CHD6: variants seen among roughly 807,000 people sequenced by gnomAD.
The protein encoded by CHD6 is chromodomain helicase DNA binding protein 6.
In CHD6, 50 loss-of-function variants were observed where a neutral mutation model predicts 276.9. The observed-to-expected ratio is 0.18, with a 90% CI of 0.14 to 0.23. The LOEUF is 0.23. Ranked by LOEUF, CHD6 falls within the 10% of genes least tolerant of loss-of-function variation. The pLI is 1.00. For synonymous variants in CHD6, 1,173 were observed against 1,229.3 expected, an observed-to-expected ratio of 0.95 and a Z score of 0.96; for missense variants, 2,564 against 3,365.8, an observed-to-expected ratio of 0.76 and a Z score of 5.89.
chr20:41,505,319 A>AC (rs2043950793), intron 5 of CHD6, among the ~76,000 whole-genome samples: 1 of 152,108 alleles, frequency 6.6e-6, no homozygotes, highest in Non-Finnish European at 1.5e-5. Context: ...TTCCTGGGAT[A>AC]CCCCAGAATT....
At chr20:41,518,384 A>G (rs2044302402) in intron 3 of CHD6, among the ~76,000 whole-genome samples, 1 of 152,214 alleles carries the variant, frequency 6.6e-6, no homozygotes, top group African/African-American at 2.4e-5. Flanking sequence ...ACTAAGGAAT[A>G]GAACTTCCTC....
chr20:41,541,445 G>A (rs1450544324), intron 2 of CHD6, among the ~76,000 whole-genome samples: 2 of 152,166 alleles, frequency 1.3e-5, no homozygotes, highest in African/African-American at 4.8e-5. Context: ...TAATTCAGGT[G>A]CAGAAATCCA....
intron 1 of CHD6, among the ~76,000 whole-genome samples, chr20:41,555,554 A>G (rs866697345): frequency 0.026 from 3,846 of 147,474 alleles, 75 homozygotes; most frequent in Middle Eastern, 0.042. Context: ...TGCCAGGCGG[A>G]GGGTCTCCTC....
At position 41,447,953 on chromosome 20, in the gene CHD6, C is replaced by G. The variant is rs756669328; in HGVS notation, c.3702G>C (p.Arg1234=). Residue 1234 remains arginine (R), a synonymous_variant, in exon 24 of 37, where the codon CGG becomes CGC. Coordinates refer to ENST00000373233, the MANE Select transcript of CHD6 (RefSeq NM_032221.5). ...TTTCAGCTTTTAGGTAGTACAGCAT[C>G]CGGACTCGCAAAAGTACTCTATGAA... ...QHCNKVLLRV[R]MLYYLKAEIL... 6.2e-7 allele frequency: 1 copy of G among 1,610,234 alleles called. No homozygotes were observed. The highest frequency in any genetic ancestry group is 8.5e-7 in the Non-Finnish European group (1 of 1,177,790).
At chr20:41,550,389 T>C (rs2045126620) in intron 2 of CHD6, among the ~76,000 whole-genome samples, 1 of 152,242 alleles carries the variant, frequency 6.6e-6, no homozygotes, top group Admixed American at 6.5e-5. Context: ...GTCACTGCTC[T>C]TCTTGTTATC....
chr20:41,597,614 C>T (rs2045731279), intron 1 of CHD6, among the ~76,000 whole-genome samples: 1 of 152,032 alleles, frequency 6.6e-6, no homozygotes, highest in Admixed American at 6.6e-5. Flanking sequence ...AGGGGTTGAC[C>T]CACCATACCC....
chr20:41,596,849 T>TA (rs1373682332), intron 1 of CHD6, among the ~76,000 whole-genome samples: 4 of 152,014 alleles, frequency 2.6e-5, no homozygotes, highest in Non-Finnish European at 4.4e-5. Context: ...TTACAAAAAA[T>TA]AGAGAACTGG....
At chr20:41,435,513 A>G (rs971000275) in intron 27 of CHD6, among the ~76,000 whole-genome samples, 3 of 151,288 alleles carry the variant, frequency 2.0e-5, no homozygotes, top group Admixed American at 1.3e-4. Context: ...CTGAGCTGGG[A>G]GCATCACTTG....
At chr20:41,617,844 G>A (rs1189678946) in intron 1 of CHD6, among the ~76,000 whole-genome samples, 1 of 151,534 alleles carries the variant, frequency 6.6e-6, no homozygotes, top group Non-Finnish European at 1.5e-5. Context: ...ACAGACGCAG[G>A]ACGCGAATAG....
intron 31 of CHD6, among the ~76,000 whole-genome samples, chr20:41,417,659 C>T (rs2047044756): frequency 6.6e-6 from 1 of 152,140 alleles, no homozygotes; most frequent in African/African-American, 2.4e-5. Flanking sequence ...TGACTAACCA[C>T]AAAGAGGCTT....
intron 22 of CHD6, 94 bp from the exon 23 acceptor site, chr20:41,451,199 A>G (rs924389355): frequency 3.6e-5 from 41 of 1,131,452 alleles, no homozygotes; most frequent in Non-Finnish European, 4.7e-5. Flanking sequence ...GTTAGAACAG[A>G]GTTGGGCTGT....
In CHD6 at chr20:41,421,996, T is replaced by C. The variant is rs2047209808; in HGVS notation, c.4639A>G (p.Lys1547Glu). The change falls in exon 31 of 37, where the codon AAA becomes GAA. Residue 1547 changes from lysine to glutamate, a missense_variant. Lys to Glu is a moderately conservative substitution (Grantham distance 56, BLOSUM62 1). This residue lies in a region of CHD6 where 515 missense variants were observed against 739.5 expected (regional missense o/e 0.70). Transcript: ENST00000373233. The part of the protein sequence containing the change: ...RTLYRIELLR[K>E]VREQVLKCPQ... ...CACTTGAGCACTTGCTCTCGGACTT[T>C]CCGTAACAGTTCAATGCGGTACAGA... The C allele has an allele frequency of 6.2e-7, 1 of 1,614,112 alleles. No individual in the cohort carries two copies. Among genetic ancestry groups the C allele is most frequent in the Non-Finnish European group, 8.5e-7 (1 of 1,180,056 alleles).
Position 41,445,781 on chromosome 20 carries a change from G to A in CHD6, c.3774-13C>T. The A allele has an allele frequency of 6.4e-7, 1 of 1,563,448 alleles. No homozygotes were observed. The highest frequency in any genetic ancestry group is 8.8e-7 in the Non-Finnish European group (1 of 1,134,022). On this transcript the variant is annotated splice_polypyrimidine_tract_variant and intron_variant, in intron 24 of 36. Coordinates refer to ENST00000373233, the MANE Select transcript of CHD6 (RefSeq NM_032221.5). ...TACATCCAGCTCCCTAGGGAAGGAA[G>A]GGTGTAGACTCAAAACAACACAAAA...
intron 1 of CHD6, among the ~76,000 whole-genome samples, chr20:41,610,020 C>T (rs1412191367): frequency 6.6e-6 from 1 of 151,846 alleles, no homozygotes; most frequent in African/African-American, 2.4e-5. Flanking sequence ...CCATGCTTGG[C>T]TAATTTTTGT....
intron 17 of CHD6, among the ~76,000 whole-genome samples, chr20:41,466,601 T>G (rs1180359144): frequency 6.6e-6 from 1 of 152,226 alleles, no homozygotes; most frequent in Non-Finnish European, 1.5e-5. Flanking sequence ...ATATGGTTTA[T>G]GAGACCTTCA....
intron 17 of CHD6, among the ~76,000 whole-genome samples, chr20:41,469,648 C>T (rs565519861): frequency 1.4e-4 from 22 of 152,312 alleles, no homozygotes; most frequent in African/African-American, 4.8e-4. Flanking sequence ...TAAATTAGAG[C>T]CTCTGTCTTC....
chr20:41,613,376 G>C (rs1160418474), intron 1 of CHD6, among the ~76,000 whole-genome samples: 5 of 152,222 alleles, frequency 3.3e-5, no homozygotes, highest in African/African-American at 9.6e-5. Flanking sequence ...CTCCCCTCTA[G>C]TCCCATCTGC....
intron 17 of CHD6, among the ~76,000 whole-genome samples, chr20:41,467,618 CA>C (rs1283962746): frequency 1.3e-5 from 2 of 149,702 alleles, no homozygotes; most frequent in Non-Finnish European, 2.9e-5. Flanking sequence ...CCCATCTTCC[CA>C]GCACCTTGGG....
chr20:41,603,498 G>GTCT (rs2045794370), intron 1 of CHD6, among the ~76,000 whole-genome samples: 1 of 152,186 alleles, frequency 6.6e-6, no homozygotes, highest in Admixed American at 6.5e-5. Context: ...TAAATTCCTT[G>GTCT]TGTAAGGAGA....
Sources: gnomAD v4.1 joint callset for allele counts (sites outside exome capture counted in the v4.1 genomes callset) on GRCh38, gnomAD v4.1.1 for gene constraint, gnomAD v4.1.1 regional missense constraint, MANE v1.5 for transcripts, NCBI Gene and HGNC (gene_info 2026-07-23, HGNC 2026-07-21) for gene names.